The following CAMK1D variants were observed in gnomAD, a reference collection of about 807,000 sequenced individuals.
The protein encoded by CAMK1D is calcium/calmodulin-dependent protein kinase type 1D.
A neutral mutation model predicts 47.7 loss-of-function variants in CAMK1D; 9 were observed. That is an observed-to-expected ratio of 0.19 (90% CI 0.11 to 0.33). CAMK1D has a LOEUF of 0.33. Ranked by LOEUF, CAMK1D falls within the 10% of genes least tolerant of loss-of-function variation. The pLI is 1.00. For synonymous variants in CAMK1D, 184 were observed against 184.9 expected (o/e 0.99, Z 0.04); for missense variants, 291 against 488.7 (o/e 0.60, Z 3.81).
chr10:12,362,118 A>C (rs1837682485), intron 1 of CAMK1D, among the ~76,000 whole-genome samples: 1 of 152,186 alleles, frequency 6.6e-6, no homozygotes, highest in Non-Finnish European at 1.5e-5. Flanking sequence ...CATCGTAACC[A>C]TTTTGAAGTG....
At chr10:12,470,808 T>A (rs2077575872) in intron 1 of CAMK1D, among the ~76,000 whole-genome samples, 1 of 152,138 alleles carries the variant, frequency 6.6e-6, no homozygotes, top group African/African-American at 2.4e-5. Context: ...TGAGCCACCT[T>A]GCCCGGTCGT....
intron 5 of CAMK1D, among the ~76,000 whole-genome samples, chr10:12,772,139 C>T (rs1462578047): frequency 6.6e-6 from 1 of 151,904 alleles, no homozygotes; most frequent in East Asian, 1.9e-4. Context: ...ATAGCATGGT[C>T]CCTGCCTGGG....
At chr10:12,405,440 C>T (rs1260535600) in intron 1 of CAMK1D, among the ~76,000 whole-genome samples, 1 of 152,160 alleles carries the variant, frequency 6.6e-6, no homozygotes, top group Non-Finnish European at 1.5e-5. Flanking sequence ...ATGTTCAGTC[C>T]AGAGACAGGC....
intron 6 of CAMK1D, among the ~76,000 whole-genome samples, chr10:12,802,261 C>T (rs955775842): frequency 6.6e-6 from 1 of 152,216 alleles, no homozygotes; most frequent in East Asian, 1.9e-4. Context: ...TCACAGAGCC[C>T]TGCAAGGTCT....
chr10:12,536,854 A>G (rs977189864), intron 1 of CAMK1D, among the ~76,000 whole-genome samples: 51 of 151,892 alleles, frequency 3.4e-4, no homozygotes, highest in African/African-American at 1.1e-3. Flanking sequence ...TCAGTTAGTT[A>G]AACTGCTACA....
At chr10:12,727,545 AC>A (rs1362301521) in intron 3 of CAMK1D, among the ~76,000 whole-genome samples, 1 of 152,240 alleles carries the variant, frequency 6.6e-6, no homozygotes, top group Non-Finnish European at 1.5e-5. Context: ...GGCATAAGTT[AC>A]ACACAACAGA....
chr10:12,611,344 C>G (rs1268409656), intron 2 of CAMK1D, among the ~76,000 whole-genome samples: 3 of 152,142 alleles, frequency 2.0e-5, no homozygotes, highest in Non-Finnish European at 4.4e-5. Flanking sequence ...CGAAGTGCCC[C>G]CTTCCGTGCT....
chr10:12,375,980 T>C (rs962698925), intron 1 of CAMK1D, among the ~76,000 whole-genome samples: 2 of 151,626 alleles, frequency 1.3e-5, no homozygotes, highest in African/African-American at 4.8e-5. Context: ...CTGGCCAACA[T>C]AGCGAAACCC....
chr10:12,499,424 C>T (rs982664775), intron 1 of CAMK1D, among the ~76,000 whole-genome samples: 1 of 151,676 alleles, frequency 6.6e-6, no homozygotes, highest in Non-Finnish European at 1.5e-5. Context: ...CCAGTTCCTT[C>T]TGAAAAAAAA....
At chr10:12,761,551 T>C (rs557644439) in intron 4 of CAMK1D, among the ~76,000 whole-genome samples, 2 of 151,908 alleles carry the variant, frequency 1.3e-5, no homozygotes, top group South Asian at 4.2e-4. Context: ...TAAGCAGATA[T>C]AGAAGAGGGA....
intron 2 of CAMK1D, among the ~76,000 whole-genome samples, chr10:12,634,685 A>C (rs1185701682): frequency 2.6e-5 from 4 of 152,028 alleles, no homozygotes; most frequent in African/African-American, 9.7e-5. Context: ...TGTCACTACG[A>C]GTCTTGACTT....
At chr10:12,685,678 C>T (rs1297641782) in intron 3 of CAMK1D, among the ~76,000 whole-genome samples, 2 of 152,178 alleles carry the variant, frequency 1.3e-5, no homozygotes, top group Non-Finnish European at 2.9e-5. Context: ...GGCCTTCTCG[C>T]TGGTGATTCA....
intron 2 of CAMK1D, among the ~76,000 whole-genome samples, chr10:12,661,046 T>C (rs1006780223): frequency 6.6e-6 from 1 of 152,224 alleles, no homozygotes; most frequent in Admixed American, 6.5e-5. Flanking sequence ...GGAGAACCTC[T>C]TTCTAATTAC....
intron 1 of CAMK1D, among the ~76,000 whole-genome samples, chr10:12,431,342 C>T (rs577513193): frequency 3.2e-4 from 49 of 152,206 alleles, no homozygotes; most frequent in African/African-American, 8.4e-4. Flanking sequence ...CAGGTGGAAA[C>T]GGAGATCAGC....
intron 1 of CAMK1D, among the ~76,000 whole-genome samples, chr10:12,457,245 G>A (rs960623669): frequency 9.2e-5 from 14 of 152,050 alleles, no homozygotes; most frequent in Non-Finnish European, 1.6e-4. Context: ...ACAAAAATTA[G>A]CTGGGAGTGG....
At position 12,832,078 on chromosome 10, in the gene CAMK1D, A is replaced by C. The variant is rs1234069465; in HGVS notation, c.*3191A>C. 1.3e-5 allele frequency: 2 copies of C among 152,348 alleles called. No homozygotes were observed. Among genetic ancestry groups the C allele is most frequent in the African/African-American group, 4.8e-5 (2 of 41,442 alleles). 9.4% of individuals were successfully genotyped at this position (152,348 alleles called of 1,614,324 possible). ...AGCCCAAGTCCCCCATTTGGTCACT[A>C]TCCCTTCTCAGAGCAAGTGGATTCT... On this transcript the variant is annotated 3_prime_UTR_variant, in exon 11 of 11. Coordinates refer to ENST00000619168, the MANE Select transcript of CAMK1D (RefSeq NM_153498.4).
chr10:12,487,466 T>TCTAACAG (rs1283177800), intron 1 of CAMK1D, among the ~76,000 whole-genome samples: 1 of 152,248 alleles, frequency 6.6e-6, no homozygotes, highest in African/African-American at 2.4e-5. Context: ...TGGACTGTCC[T>TCTAACAG]CTAACAGCTA....
chr10:12,684,815 T>C (rs1297171324), intron 3 of CAMK1D, among the ~76,000 whole-genome samples: 1 of 152,142 alleles, frequency 6.6e-6, no homozygotes, highest in Admixed American at 6.5e-5. Flanking sequence ...GCTATTTATT[T>C]AGTGTCAAGA....
At chr10:12,444,417 C>T (rs555500660) in intron 1 of CAMK1D, among the ~76,000 whole-genome samples, 17 of 152,274 alleles carry the variant, frequency 1.1e-4, no homozygotes, top group Non-Finnish European at 1.9e-4. Context: ...GAGTCAAACT[C>T]TGTAAAATAT....
Sources: allele counts gnomAD v4.1 joint callset (sites outside exome capture counted in the v4.1 genomes callset), GRCh38; gene constraint gnomAD v4.1.1; transcripts MANE v1.5; gene names NCBI Gene and HGNC (gene_info 2026-07-23, HGNC 2026-07-21).